Variants in ASB1 observed in about 807,000 individuals in gnomAD.
ASB1 encodes the protein ankyrin repeat and SOCS box containing 1, also known as ankyrin repeat and SOCS box protein 1.
Under a neutral mutation model 27.7 loss-of-function variants are expected in ASB1, and 18 were observed. The observed-to-expected ratio is 0.65, with a 90% CI of 0.45 to 0.96. The LOEUF (loss-of-function observed/expected upper bound fraction) is 0.96, where lower values mean the gene tolerates loss of function less well. Among genes scored for constraint, ASB1 ranks in the 50% least tolerant of loss-of-function variants. The pLI is 0.00. For missense variants in ASB1, 397 were observed against 451.7 expected (o/e 0.88, Z 1.10); for synonymous variants, 189 against 187.6 (o/e 1.01, Z -0.06).
Position 238,447,411 on chromosome 2 carries a change from C to T in ASB1, c.*900C>T, listed in dbSNP as rs1408916018. 1 of 152,694 alleles carries T rather than the reference C, an allele frequency of 6.5e-6. No homozygotes were observed. The highest frequency in any genetic ancestry group is 1.5e-5 in the Non-Finnish European group (1 of 68,124). The allele number at this position is 152,694 out of a possible 1,614,324, so 9.5% of individuals were successfully genotyped here. On this transcript the variant is annotated 3_prime_UTR_variant, in exon 5 of 5. Transcript: ENST00000264607. ...GCATGCTGTCCAGTGGACAGAACAT[C>T]TGGCGGTTGGTTGATTGCTCTCTTT...
At chr2:238,438,365 A>T (rs959491902) in intron 3 of ASB1, among the ~76,000 whole-genome samples, 3 of 151,184 alleles carry the variant, frequency 2.0e-5, no homozygotes, top group African/African-American at 7.3e-5. Flanking sequence ...ATGCCCGGCT[A>T]TTTTTTTTGT....
chr2:238,442,941 C>T (rs1702107235), intron 3 of ASB1, among the ~76,000 whole-genome samples: 1 of 152,130 alleles, frequency 6.6e-6, no homozygotes, highest in Non-Finnish European at 1.5e-5. Flanking sequence ...TTATTTTTAG[C>T]CTTTATAATA....
At chr2:238,441,284 GC>G (rs1359286794) in intron 3 of ASB1, among the ~76,000 whole-genome samples, 1 of 151,942 alleles carries the variant, frequency 6.6e-6, no homozygotes, top group African/African-American at 2.4e-5. Context: ...ACAGGTGCCC[GC>G]CACCACACTT....
At chr2:238,443,470 CCTCTTATTTT>C (rs1360979327) in intron 3 of ASB1, among the ~76,000 whole-genome samples, 1 of 152,082 alleles carries the variant, frequency 6.6e-6, no homozygotes, top group African/African-American at 2.4e-5. Context: ...GAAATTTTTA[CCTCTTATTTT>C]CCAACTTTAT....
chr2:238,433,461 G>A, intron 1 of ASB1, 93 bp from the exon 2 acceptor site: 1 of 1,476,902 alleles, frequency 6.8e-7, no homozygotes, highest in Non-Finnish European at 9.2e-7. Context: ...CCCCGTAGCT[G>A]GGAGAGGGAA....
At chr2:238,445,618 G>C (rs1279992765) in intron 4 of ASB1, among the ~76,000 whole-genome samples, 1 of 152,188 alleles carries the variant, frequency 6.6e-6, no homozygotes, top group Admixed American at 6.5e-5. Context: ...GACCTCATGT[G>C]TTGTCTTTAA....
At chr2:238,433,513 G>A in intron 1 of ASB1, 41 bp from the exon 2 acceptor site, 1 of 1,608,196 alleles carries the variant, frequency 6.2e-7, no homozygotes, top group Non-Finnish European at 8.5e-7. Flanking sequence ...AGTCTTGGCA[G>A]GGCCTCCATG....
chr2:238,439,082 A>G (rs2106406945), intron 3 of ASB1, among the ~76,000 whole-genome samples: 1 of 152,376 alleles, frequency 6.6e-6, no homozygotes, highest in East Asian at 1.9e-4. Flanking sequence ...GATTTTCCCT[A>G]AGAATAAGCA....
intron 4 of ASB1, among the ~76,000 whole-genome samples, chr2:238,445,127 G>T (rs987043712): frequency 2.0e-5 from 3 of 151,688 alleles, no homozygotes. Flanking sequence ...GACTGTAGGT[G>T]CACACCATGC....
chr2:238,430,998 A>G (rs1380295397), intron 1 of ASB1, among the ~76,000 whole-genome samples: 1 of 152,242 alleles, frequency 6.6e-6, no homozygotes, highest in Non-Finnish European at 1.5e-5. Flanking sequence ...ACTGACTTCC[A>G]CTTAAAGTCA....
chr2:238,434,814 C>G (rs1241287299), intron 2 of ASB1, among the ~76,000 whole-genome samples: 1 of 152,250 alleles, frequency 6.6e-6, no homozygotes, highest in Non-Finnish European at 1.5e-5. Flanking sequence ...TGTTTCTCCT[C>G]CTTCTTTTAC....
rs763425231 is a variant in ASB1, at chr2:238,449,708, T to A, written c.*3197T>A. On this transcript the variant is annotated 3_prime_UTR_variant, in exon 5 of 5. Coordinates refer to ENST00000264607, the MANE Select transcript of ASB1 (RefSeq NM_001040445.3). The stretch of plus-strand genomic sequence containing the variant: ...AGTGTTTAAGGCAACAATGCTTGTT[T>A]TTTGGTGTTTTCTTTTGACATTTGA... 6.6e-6 allele frequency: 1 copy of A among 152,230 alleles called. No individual in the cohort carries two copies. The highest frequency in any genetic ancestry group is 1.5e-5 in the Non-Finnish European group (1 of 68,046). The allele number at this position is 152,230 out of a possible 1,614,324, so 9.4% of individuals were successfully genotyped here.
At chr2:238,431,444 C>T (rs998310671) in intron 1 of ASB1, among the ~76,000 whole-genome samples, 3 of 152,210 alleles carry the variant, frequency 2.0e-5, no homozygotes. Context: ...CAGATTTCCT[C>T]TATATCAGCA....
chr2:238,435,609 C>A (rs1420040466), intron 2 of ASB1, 102 bp from the exon 3 acceptor site: 2 of 1,250,960 alleles, frequency 1.6e-6, no homozygotes, highest in Non-Finnish European at 2.2e-6. Flanking sequence ...GCGTTATTAA[C>A]CAGAGGGGGA....
At chr2:238,444,762 T>C (rs1702145972) in intron 4 of ASB1, 35 bp downstream of exon 4, 1 of 1,541,822 alleles carries the variant, frequency 6.5e-7, no homozygotes, top group East Asian at 2.3e-5. Context: ...ACTTGTGGGC[T>C]GGGTTGATTG....
intron 1 of ASB1, among the ~76,000 whole-genome samples, chr2:238,430,474 G>A (rs1701848196): frequency 6.6e-6 from 1 of 152,240 alleles, no homozygotes; most frequent in Admixed American, 6.5e-5. Context: ...TGCATCTGCA[G>A]TTACTTCCTC....
intron 4 of ASB1, 86 bp downstream of exon 4, chr2:238,444,813 C>T: frequency 1.4e-6 from 2 of 1,445,498 alleles, no homozygotes; most frequent in South Asian, 1.5e-5. Flanking sequence ...ACAAAAACCT[C>T]CACCTGAGCA....
intron 1 of ASB1, among the ~76,000 whole-genome samples, chr2:238,431,295 G>C (rs1391242407): frequency 6.6e-6 from 1 of 152,192 alleles, no homozygotes; most frequent in Non-Finnish European, 1.5e-5. Flanking sequence ...ACCAACCTCT[G>C]CTACCTTCAC....
rs1050268200 is a variant in ASB1, at chr2:238,449,768, C to T, written c.*3257C>T. 1 of 152,206 alleles carries T rather than the reference C, an allele frequency of 6.6e-6. No individual in the cohort carries two copies. Among genetic ancestry groups the T allele is most frequent in the African/African-American group, 2.4e-5 (1 of 41,456 alleles). The allele number at this position is 152,206 out of a possible 1,614,324, so 9.4% of individuals were successfully genotyped here. A position where few individuals can be genotyped will look rare whatever the true frequency, so the allele number is the denominator to read the frequency against. On this transcript the variant is annotated 3_prime_UTR_variant, in exon 5 of 5. Transcript: ENST00000264607. ...ACATTGTTAAAATGTACTTGTTAAA[C>T]AGGTAATTTTAAAGAGAAGGAACAA... is the stretch of plus-strand genomic sequence containing the variant.
Sources: gnomAD v4.1 joint callset for allele counts (sites outside exome capture counted in the v4.1 genomes callset) on GRCh38, gnomAD v4.1.1 for gene constraint, MANE v1.5 for transcripts, NCBI Gene and HGNC (gene_info 2026-07-23, HGNC 2026-07-21) for gene names.